Variants in MRPL14 observed in about 807,000 individuals in gnomAD.
MRPL14 encodes mitochondrial ribosomal protein L14.
Under a neutral mutation model 10.9 loss-of-function variants are expected in MRPL14, and 8 were observed. The ratio of observed to expected loss-of-function variants is 0.74; its 90% CI spans 0.43 to 1.33. MRPL14 has a LOEUF of 1.33. Ranked by LOEUF, MRPL14 falls within the 40% of genes most tolerant of loss-of-function variation. MRPL14 has a pLI of 0.01. For missense variants in MRPL14, 179 were observed against 194.5 expected (o/e 0.92, Z 0.47); for synonymous variants, 82 against 74.1 (o/e 1.11, Z -0.54).
chr6:44,122,259 T>A (rs1776516111), intron 1 of MRPL14, among the ~76,000 whole-genome samples: 1 of 152,114 alleles, frequency 6.6e-6, no homozygotes. Context: ...ATTTTTTGTA[T>A]TTTCAGTAGA....
rs1775613337 is a variant in MRPL14 at position 44,114,194 on chromosome 6, C to G, written c.87G>C (p.Leu29=). The change falls in exon 3 of 3, where the codon CTG becomes CTC. Residue 29 remains leucine (L), a synonymous_variant. Transcript: ENST00000372014. ...CCCGCGTCATCTTCTGAATCGCACT[C>G]AGACTCCCAGTGGTGCTGGTGGGAG... ...SHHCFSTTGS[L]SAIQKMTRVR... 6.2e-7 allele frequency: 1 copy of G among 1,609,750 alleles called. No individual in the cohort carries two copies. The highest frequency in any genetic ancestry group is 8.5e-7 in the Non-Finnish European group (1 of 1,176,570).
intron 2 of MRPL14, 92 bp from the exon 3 acceptor site, chr6:44,114,301 A>G: frequency 7.0e-7 from 1 of 1,435,972 alleles, no homozygotes; most frequent in Non-Finnish European, 9.4e-7. Context: ...GAGAATGTAC[A>G]TGTCAGCAAC....
At position 44,115,766 on chromosome 6, in the gene MRPL14, ACCCTGCCTCCCAATTCT is replaced by A. The variant is rs759304908; in HGVS notation, c.71+758_71+774del. 3.4e-4 allele frequency among the ~76,000 whole-genome samples: 51 copies of A among 151,932 alleles called. 1 individual carries two copies. Among genetic ancestry groups the A allele is most frequent in the African/African-American group, 2.9e-4 (12 of 41,340 alleles). On this transcript the variant is annotated intron_variant, in intron 2 of 2. Transcript: ENST00000372014. ...AACCAGGAACCACTTCCCCAAGCACACCCTGCCTCCCAATTCTCCCTGGAGGCCTAGACAGGATCTGC... is the reference window on the plus strand; with the variant it reads ...AACCAGGAACCACTTCCCCAAGCACACCCTGGAGGCCTAGACAGGATCTGC...
intron 1 of MRPL14, among the ~76,000 whole-genome samples, chr6:44,125,967 T>C (rs1776978820): frequency 6.6e-6 from 1 of 152,222 alleles, no homozygotes; most frequent in African/African-American, 2.4e-5. Flanking sequence ...ATAAAATCCT[T>C]GTTTTTCAGT....
At chr6:44,122,747 G>C (rs1201926455) in intron 1 of MRPL14, among the ~76,000 whole-genome samples, 3 of 152,128 alleles carry the variant, frequency 2.0e-5, no homozygotes, top group Non-Finnish European at 4.4e-5. Flanking sequence ...GGAAAGCCCA[G>C]ACACAAAAAG....
chr6:44,119,555 A>C (rs1306880884), intron 1 of MRPL14, among the ~76,000 whole-genome samples: 1 of 152,162 alleles, frequency 6.6e-6, no homozygotes, highest in Non-Finnish European at 1.5e-5. Context: ...CTGACGTCAC[A>C]TGCACATTTT....
intron 1 of MRPL14, chr6:44,126,952 G>A (rs769405037): frequency 6.6e-5 from 10 of 152,272 alleles, no homozygotes; most frequent in Non-Finnish European, 1.3e-4. Context: ...CCAGACCTAA[G>A]TTGGGAAAGG....
At chr6:44,124,025 T>C (rs1469890869) in intron 1 of MRPL14, among the ~76,000 whole-genome samples, 2 of 152,196 alleles carry the variant, frequency 1.3e-5, no homozygotes, top group Admixed American at 6.5e-5. Context: ...ATAATCCAGA[T>C]ATAAATTTGT....
intron 1 of MRPL14, among the ~76,000 whole-genome samples, chr6:44,120,423 G>GATGGTAAA (rs1485181923): frequency 6.6e-6 from 1 of 152,152 alleles, no homozygotes; most frequent in Non-Finnish European, 1.5e-5. Context: ...CACAGACTTC[G>GATGGTAAA]ATGGTAAGGA....
In MRPL14 at chr6:44,116,460, T is replaced by C. The variant is rs1228909784; in HGVS notation, c.71+81A>G. The C allele has an allele frequency of 1.1e-5, 15 of 1,401,708 alleles. No individual in the cohort carries two copies. In the East Asian group the frequency reaches 3.4e-4, roughly 32 times the overall value. 86.8% of individuals were successfully genotyped at this position (1,401,708 alleles called of 1,614,324 possible). A position where few individuals can be genotyped will look rare whatever the true frequency, so the allele number is the denominator to read the frequency against. ...GCCCACCTCCCTGAGTTTTTACTCC[T>C]GTTCTAGTCACCGTAATACCCAGCC... On this transcript the variant is annotated intron_variant, in intron 2 of 2. Transcript: ENST00000372014.
At chr6:44,119,014 AATT>A (rs1397622676) in intron 1 of MRPL14, among the ~76,000 whole-genome samples, 1 of 152,154 alleles carries the variant, frequency 6.6e-6, no homozygotes, top group Non-Finnish European at 1.5e-5. Context: ...AAATGGGTAC[AATT>A]ATTATTAGCC....
chr6:44,123,108 A>G (rs183364827), intron 1 of MRPL14, among the ~76,000 whole-genome samples: 13 of 152,322 alleles, frequency 8.5e-5, no homozygotes, highest in African/African-American at 3.1e-4. Flanking sequence ...CAGTCCTAGC[A>G]CCCAATGGAA....
intron 1 of MRPL14, among the ~76,000 whole-genome samples, chr6:44,126,420 G>C (rs1308438320): frequency 6.6e-6 from 1 of 152,140 alleles, no homozygotes. Flanking sequence ...ATGAACTCTT[G>C]AAAATCCAGC....
chr6:44,115,242 T>A (rs998485958), intron 2 of MRPL14, among the ~76,000 whole-genome samples: 5 of 152,066 alleles, frequency 3.3e-5, no homozygotes, highest in Non-Finnish European at 7.4e-5. Context: ...TGCCAACTAG[T>A]AAATTCCATC....
chr6:44,120,750 A>G (rs765696597), intron 1 of MRPL14, among the ~76,000 whole-genome samples: 1 of 152,226 alleles, frequency 6.6e-6, no homozygotes, highest in Non-Finnish European at 1.5e-5. Context: ...TACTTGTTGA[A>G]TAAAATAAAT....
intron 1 of MRPL14, among the ~76,000 whole-genome samples, chr6:44,123,943 T>A (rs1431068582): frequency 6.6e-6 from 1 of 152,198 alleles, no homozygotes; most frequent in Non-Finnish European, 1.5e-5. Context: ...TTTCAATGTG[T>A]AGATTTGTAT....
chr6:44,124,792 TA>T (rs1776777554), intron 1 of MRPL14, among the ~76,000 whole-genome samples: 1 of 152,136 alleles, frequency 6.6e-6, no homozygotes. Flanking sequence ...AATACACATG[TA>T]AAATCACACC....
Position 44,114,075 on chromosome 6 carries a change from A to C in MRPL14, c.206T>G (p.Val69Gly), listed in dbSNP as rs752544563. Residue 69 changes from valine (V) to glycine (G), a missense_variant, in exon 3 of 3, where the codon GTG (valine) becomes GGG (glycine). Coordinates refer to ENST00000372014, the MANE Select transcript of MRPL14 (RefSeq NM_032111.4). ...GATGGCCAGTAGTATCTGGTCGCCC[A>C]CCTTGCCCACTCCATTCTTCTTATA... ...HVYKKNGVGK[V>G]GDQILLAIKG... The C allele has an allele frequency of 6.8e-6, 11 of 1,613,996 alleles. No individual in the cohort carries two copies. Among genetic ancestry groups the C allele is most frequent in the South Asian group, 1.1e-5 (1 of 91,074 alleles).
At chr6:44,126,852 T>C (rs1199243047) in intron 1 of MRPL14, 1 of 152,244 alleles carries the variant, frequency 6.6e-6, no homozygotes, top group Non-Finnish European at 1.5e-5. Flanking sequence ...GGGAACCCCC[T>C]GGCCTGGGGG....
Sources: allele counts gnomAD v4.1 joint callset (sites outside exome capture counted in the v4.1 genomes callset), GRCh38; gene constraint gnomAD v4.1.1; transcripts MANE v1.5; gene names NCBI Gene and HGNC (gene_info 2026-07-23, HGNC 2026-07-21).